Variants in PIP5K1B observed in about 807,000 individuals in gnomAD.
The protein encoded by PIP5K1B is phosphatidylinositol 4-phosphate 5-kinase type-1 beta.
A neutral mutation model predicts 67.0 loss-of-function variants in PIP5K1B; 42 were observed. The ratio of observed to expected loss-of-function variants is 0.63; its 90% CI spans 0.49 to 0.81. The LOEUF is 0.81. Ranked by LOEUF, PIP5K1B falls within the 30% of genes least tolerant of loss-of-function variation. The pLI is 0.00. For synonymous variants in PIP5K1B, 214 were observed against 231.4 expected, an observed-to-expected ratio of 0.92 and a Z score of 0.68; for missense variants, 459 against 646.3, an observed-to-expected ratio of 0.71 and a Z score of 3.14.
intron 11 of PIP5K1B, among the ~76,000 whole-genome samples, chr9:68,921,002 G>C (rs1826369900): frequency 6.6e-6 from 1 of 152,150 alleles, no homozygotes; most frequent in African/African-American, 2.4e-5. Flanking sequence ...ATAAATTATA[G>C]ATGATCTTCT....
At chr9:68,835,878 C>T (rs887706166) in intron 4 of PIP5K1B, among the ~76,000 whole-genome samples, 6 of 135,066 alleles carry the variant, frequency 4.4e-5, no homozygotes, top group African/African-American at 1.4e-4. Flanking sequence ...TAAATAAAAA[C>T]GACAAATTTT....
At chr9:68,911,113 C>T (rs1001747052) in intron 8 of PIP5K1B, among the ~76,000 whole-genome samples, 4 of 152,180 alleles carry the variant, frequency 2.6e-5, no homozygotes, top group African/African-American at 9.6e-5. Flanking sequence ...GTGGCTCACG[C>T]CTGTAATCCC....
In PIP5K1B at chr9:68,822,663, G is replaced by A; in HGVS notation, c.49G>A (p.Glu17Lys). The A allele has an allele frequency of 1.2e-6, 2 of 1,612,966 alleles. No individual in the cohort carries two copies. The highest frequency in any genetic ancestry group is 1.7e-6 in the Non-Finnish European group (2 of 1,179,208). ...NGEAAPGKQN[E>K]EKTYKKTASS... ...AGAGGCAGCACCTGGAAAACAAAAT[G>A]AAGAAAAAACCTATAAAAAGGTGAG... Residue 17 changes from glutamate to lysine, a missense_variant, in exon 4 of 16, where the codon GAA (glutamate) becomes AAA (lysine). Coordinates refer to ENST00000265382, the MANE Select transcript of PIP5K1B (RefSeq NM_003558.4).
chr9:68,723,702 T>TTG (rs1828008844), intron 1 of PIP5K1B, among the ~76,000 whole-genome samples: 2 of 147,940 alleles, frequency 1.4e-5, no homozygotes, highest in Admixed American at 1.3e-4. Flanking sequence ...TTGGTTTTTT[T>TTG]TTTTTTTTTT....
chr9:68,994,936 G>A (rs1348692591), intron 15 of PIP5K1B, among the ~76,000 whole-genome samples: 1 of 151,052 alleles, frequency 6.6e-6, no homozygotes, highest in Admixed American at 6.6e-5. Context: ...AGGAGTTCGA[G>A]ACCAGCCAAG....
chr9:68,718,116 C>T (rs1827715382), intron 1 of PIP5K1B, among the ~76,000 whole-genome samples: 1 of 152,196 alleles, frequency 6.6e-6, no homozygotes, highest in South Asian at 2.1e-4. Context: ...CTGTCCACTC[C>T]TATGAAACCA....
intron 4 of PIP5K1B, among the ~76,000 whole-genome samples, chr9:68,860,543 A>G (rs940728047): frequency 6.6e-6 from 1 of 152,228 alleles, no homozygotes; most frequent in Admixed American, 6.5e-5. Context: ...TGGCTCTCTC[A>G]GAGCTTTTGC....
chr9:68,914,490 C>T (rs1221729377), intron 8 of PIP5K1B, among the ~76,000 whole-genome samples: 3 of 152,034 alleles, frequency 2.0e-5, no homozygotes, highest in Non-Finnish European at 4.4e-5. Context: ...CTGAGGCGGG[C>T]AGATCACGAG....
chr9:68,912,740 A>G (rs1587656129), intron 8 of PIP5K1B, among the ~76,000 whole-genome samples: 1 of 152,168 alleles, frequency 6.6e-6, no homozygotes, highest in Admixed American at 6.6e-5. Flanking sequence ...AGACTGAACC[A>G]CCCTGCAGCC....
At chr9:68,895,253 G>A (rs893751444) in intron 8 of PIP5K1B, among the ~76,000 whole-genome samples, 8 of 143,758 alleles carry the variant, frequency 5.6e-5, no homozygotes, top group Non-Finnish European at 4.5e-5. Flanking sequence ...ATTCCCCCAG[G>A]CTGCAATGCT....
chr9:68,989,797 T>C (rs1461059115), intron 14 of PIP5K1B, among the ~76,000 whole-genome samples: 2 of 152,122 alleles, frequency 1.3e-5, no homozygotes, highest in Non-Finnish European at 1.5e-5. Flanking sequence ...CTGGCCAACA[T>C]GGTGAAACCC....
Position 68,903,130 on chromosome 9 carries a change from C to T in PIP5K1B, c.771+8492C>T, listed in dbSNP as rs562373237. Among the ~76,000 whole-genome samples the T allele has an allele frequency of 4.6e-5, 7 of 152,288 alleles. No individual in the cohort carries two copies. The East Asian group carries it at 5.8e-4, about 13-fold the overall frequency. On this transcript the variant is annotated intron_variant, in intron 8 of 15. Transcript: ENST00000265382. ...TGTAATTACTTGATTACATGTTTAA[C>T]GTTTGCTACTAAAAATCTGCTCTGT... is the stretch of plus-strand genomic sequence containing the variant.
At chr9:68,761,784 C>G (rs887751309) in intron 2 of PIP5K1B, among the ~76,000 whole-genome samples, 6 of 152,082 alleles carry the variant, frequency 3.9e-5, no homozygotes, top group Admixed American at 1.3e-4. Context: ...ACTGCATAAT[C>G]CAGGATAATC....
At chr9:68,954,616 T>TGA (rs1308727452) in intron 14 of PIP5K1B, among the ~76,000 whole-genome samples, 1 of 152,244 alleles carries the variant, frequency 6.6e-6, no homozygotes, top group East Asian at 1.9e-4. Flanking sequence ...ATCTTAGCTT[T>TGA]GATTGGTATC....
At chr9:68,773,829 C>A (rs112302709) in intron 2 of PIP5K1B, among the ~76,000 whole-genome samples, 1 of 151,806 alleles carries the variant, frequency 6.6e-6, no homozygotes, top group Admixed American at 6.6e-5. Flanking sequence ...CTTAACGGGC[C>A]CTCAATGATT....
At chr9:68,904,557 T>C (rs1825515011) in intron 8 of PIP5K1B, among the ~76,000 whole-genome samples, 1 of 152,220 alleles carries the variant, frequency 6.6e-6, no homozygotes, top group Admixed American at 6.5e-5. Flanking sequence ...GTTACCAATG[T>C]GCATGCACAC....
chr9:68,827,820 G>A (rs1371598871), intron 4 of PIP5K1B, among the ~76,000 whole-genome samples: 1 of 152,166 alleles, frequency 6.6e-6, no homozygotes, highest in Non-Finnish European at 1.5e-5. Context: ...GTTTAAAAAG[G>A]CAAGAGACCT....
At chr9:68,824,060 G>T in intron 4 of PIP5K1B, 1 of 517,642 alleles carries the variant, frequency 1.9e-6, no homozygotes, top group Non-Finnish European at 3.9e-6. Context: ...TTGTACATTG[G>T]GCCAGAGGCA....
chr9:68,944,416 T>C (rs1329514022), intron 14 of PIP5K1B, among the ~76,000 whole-genome samples: 1 of 152,218 alleles, frequency 6.6e-6, no homozygotes, highest in Non-Finnish European at 1.5e-5. Flanking sequence ...GCCAAAGCTC[T>C]GGTTATGCAT....
Sources: allele counts gnomAD v4.1 joint callset (sites outside exome capture counted in the v4.1 genomes callset), GRCh38; gene constraint gnomAD v4.1.1; transcripts MANE v1.5; gene names NCBI Gene and HGNC (gene_info 2026-07-23, HGNC 2026-07-21).